Variants in PKD1L3 observed in about 807,000 individuals in gnomAD.
PKD1L3 encodes the protein polycystin 1 like 3, transient receptor potential channel interacting.
PKD1L3 carries 239 observed loss-of-function variants against 184.1 expected under a neutral mutation model. The observed-to-expected ratio is 1.30, with a 90% CI of 1.17 to 1.45. PKD1L3 has a LOEUF of 1.45. Ranked by LOEUF, PKD1L3 falls within the 40% of genes most tolerant of loss-of-function variation. PKD1L3 has a pLI of 0.00. For synonymous variants in PKD1L3, 996 were observed against 778.8 expected, an observed-to-expected ratio of 1.28 and a Z score of -4.64; for missense variants, 2,660 against 2,067.2, an observed-to-expected ratio of 1.29 and a Z score of -5.56.
chr16:71,979,800 C>T lies in PKD1L3; in HGVS notation c.1384G>A (p.Gly462Arg). The stretch of plus-strand genomic sequence containing the variant: ...TTCACACTCACTTGGACATTAACTC[C>T]TGGATGTTTATTCAAGAGCTCCTTC... ...ALKELLNKHP[G>R]VNVQITGLAF... Residue 462 changes from glycine to arginine, a missense_variant, in exon 9 of 30, where the codon GGA becomes AGA. Physicochemically the swap from Gly to Arg is moderately radical, Grantham distance 125. Coordinates refer to ENST00000620267, the MANE Select transcript of PKD1L3 (RefSeq NM_181536.2). 1.3e-6 allele frequency: 2 copies of T among 1,506,914 alleles called. No homozygotes were observed. The highest frequency in any genetic ancestry group is 1.3e-5 in the South Asian group (1 of 76,574). 93.3% of individuals were successfully genotyped at this position (1,506,914 alleles called of 1,614,324 possible).
At chr16:71,971,724 C>G (rs887063856) in intron 12 of PKD1L3, among the ~76,000 whole-genome samples, 1 of 152,186 alleles carries the variant, frequency 6.6e-6, no homozygotes, top group Non-Finnish European at 1.5e-5. Flanking sequence ...TTTTAACAAA[C>G]TGATTATAGA....
chr16:71,997,341 C>A (rs553377069), intron 2 of PKD1L3, among the ~76,000 whole-genome samples: 3 of 151,570 alleles, frequency 2.0e-5, no homozygotes, highest in African/African-American at 7.3e-5. Flanking sequence ...AATCCTAGCA[C>A]TTTGAGAGGC....
chr16:71,996,543 A>C (rs890144926), intron 2 of PKD1L3, among the ~76,000 whole-genome samples: 2 of 152,140 alleles, frequency 1.3e-5, no homozygotes, highest in African/African-American at 2.4e-5. Flanking sequence ...TACAGGCATG[A>C]GCCACTGTGC....
chr16:71,974,939 C>G (rs1025977396), intron 11 of PKD1L3, among the ~76,000 whole-genome samples: 1 of 151,890 alleles, frequency 6.6e-6, no homozygotes, highest in South Asian at 2.1e-4. Context: ...TTTTTCCCAA[C>G]GTAAAAATAA....
At chr16:71,974,784 G>C (rs2039856727) in intron 11 of PKD1L3, among the ~76,000 whole-genome samples, 1 of 152,228 alleles carries the variant, frequency 6.6e-6, no homozygotes, top group Admixed American at 6.5e-5. Flanking sequence ...AGTGAGCATT[G>C]CTGCCTCGGG....
chr16:71,995,988 AT>A (rs531244210), intron 2 of PKD1L3, among the ~76,000 whole-genome samples: 14 of 151,792 alleles, frequency 9.2e-5, no homozygotes, highest in African/African-American at 2.4e-4. Context: ...GCATTACGCT[AT>A]TTTTTTTGGC....
chr16:71,979,762 G>C, intron 9 of PKD1L3, 24 bp downstream of exon 9: 1 of 1,476,040 alleles, frequency 6.8e-7, no homozygotes, highest in East Asian at 2.5e-5. Flanking sequence ...TTTTCATTCT[G>C]ATCACAATCA....
chr16:71,976,214 C>T (rs2039914520), intron 11 of PKD1L3, among the ~76,000 whole-genome samples: 4 of 144,640 alleles, frequency 2.8e-5, no homozygotes, highest in African/African-American at 7.6e-5. Flanking sequence ...TCCCAAAGTG[C>T]TAGGATTACA....
At chr16:71,996,601 C>T (rs1404553218) in intron 2 of PKD1L3, among the ~76,000 whole-genome samples, 1 of 152,072 alleles carries the variant, frequency 6.6e-6, no homozygotes, top group Non-Finnish European at 1.5e-5. Flanking sequence ...CTTCCTGCCC[C>T]CATGCCCTTC....
chr16:71,947,799 T>G (rs1177822668), intron 21 of PKD1L3, among the ~76,000 whole-genome samples: 1 of 152,242 alleles, frequency 6.6e-6, no homozygotes, highest in Non-Finnish European at 1.5e-5. Context: ...AATATTCATA[T>G]TTTTTGCTTA....
intron 6 of PKD1L3, 60 bp from the exon 7 acceptor site, chr16:71,982,295 T>TTTTTTTTTG (rs2040193596): frequency 7.4e-7 from 1 of 1,349,408 alleles, no homozygotes. Context: ...TTTTTTTTTT[T>TTTTTTTTTG]TTTTTTGGTG....
chr16:71,950,946 T>C (rs1021109698), intron 19 of PKD1L3, among the ~76,000 whole-genome samples: 2 of 151,832 alleles, frequency 1.3e-5, no homozygotes, highest in Non-Finnish European at 2.9e-5. Context: ...TTTTGTCACA[T>C]TGGCCAGGCT....
rs2040010303 is a variant in PKD1L3 at position 71,978,391 on chromosome 16, C to A, written c.1399-8G>T. 2 of 1,544,932 alleles carry A rather than the reference C, an allele frequency of 1.3e-6. No individual in the cohort carries two copies. The highest frequency in any genetic ancestry group is 1.7e-6 in the Non-Finnish European group (2 of 1,143,046). On this transcript the variant is annotated splice_polypyrimidine_tract_variant and splice_region_variant and intron_variant, in intron 9 of 29. Transcript: ENST00000620267. ...GAAAGCTAGTCCTGTTATCTAAAGA[C>A]AAAGAGAAGCCCAGTTTTATCCATT...
intron 16 of PKD1L3, among the ~76,000 whole-genome samples, chr16:71,960,007 G>A (rs2039208101): frequency 1.3e-5 from 2 of 152,106 alleles, no homozygotes; most frequent in Admixed American, 6.6e-5. Context: ...TGTAGTCCCA[G>A]CTACTCAGGA....
intron 2 of PKD1L3, among the ~76,000 whole-genome samples, chr16:71,996,189 C>T (rs968607639): frequency 1.3e-5 from 2 of 149,440 alleles, no homozygotes; most frequent in Admixed American, 6.7e-5. Flanking sequence ...GACGCTGATA[C>T]AGTCATGTCA....
intron 12 of PKD1L3, among the ~76,000 whole-genome samples, chr16:71,972,186 A>C (rs1282205672): frequency 6.6e-6 from 1 of 151,938 alleles, no homozygotes; most frequent in Non-Finnish European, 1.5e-5. Flanking sequence ...ACTGCACCCC[A>C]GCCTGGCCGA....
chr16:71,956,320 A>G (rs1172408999), intron 16 of PKD1L3, among the ~76,000 whole-genome samples: 1 of 149,172 alleles, frequency 6.7e-6, no homozygotes, highest in African/African-American at 2.5e-5. Flanking sequence ...CAGCCTCCCA[A>G]GTAGCTGGGA....
rs751014974 is a variant in PKD1L3 at position 71,970,446 on chromosome 16, A to G, written c.1954-341T>C. Among the ~76,000 whole-genome samples, 16 of 152,348 alleles carry G rather than the reference A, an allele frequency of 1.1e-4. 1 individual carries two copies. Among genetic ancestry groups the G allele is most frequent in the South Asian group, 2.1e-4 (1 of 4,826 alleles). On this transcript the variant is annotated intron_variant, in intron 12 of 29. Transcript: ENST00000620267. ...GGAAACAACTTACATGTTCAATAGC[A>G]GAACATACAAATGAACAAGTACATA... is the stretch of plus-strand genomic sequence containing the variant.
At chr16:71,934,836 G>C (rs546120712) in intron 26 of PKD1L3, among the ~76,000 whole-genome samples, 5 of 152,184 alleles carry the variant, frequency 3.3e-5, no homozygotes, top group Admixed American at 6.5e-5. Context: ...CTGATGCAAA[G>C]GTTAGCAAAG....
Sources: allele counts gnomAD v4.1 joint callset (sites outside exome capture counted in the v4.1 genomes callset), GRCh38; gene constraint gnomAD v4.1.1; transcripts MANE v1.5; gene names NCBI Gene and HGNC (gene_info 2026-07-23, HGNC 2026-07-21).